Variants in PLPPR4 observed in about 807,000 individuals in gnomAD.
The protein encoded by PLPPR4 is phospholipid phosphatase related 4.
A neutral mutation model predicts 56.6 loss-of-function variants in PLPPR4; 24 were observed. The observed-to-expected ratio is 0.42, with a 90% CI of 0.31 to 0.60. The LOEUF (loss-of-function observed/expected upper bound fraction) is 0.60, where lower values mean the gene tolerates loss of function less well. Ranked by LOEUF, PLPPR4 falls within the 20% of genes least tolerant of loss-of-function variation. PLPPR4 has a pLI of 0.13. For synonymous variants in PLPPR4, 326 were observed against 328.1 expected (o/e 0.99, Z 0.07); for missense variants, 654 against 885.8 (o/e 0.74, Z 3.32).
At chr1:99,285,611 T>G (rs1659444392) in intron 1 of PLPPR4, among the ~76,000 whole-genome samples, 1 of 152,168 alleles carries the variant, frequency 6.6e-6, no homozygotes, top group South Asian at 2.1e-4. Flanking sequence ...TTACTCACTA[T>G]GTATTTCTTT....
intron 1 of PLPPR4, among the ~76,000 whole-genome samples, chr1:99,269,997 T>TGTG: frequency 1.5e-5 from 2 of 134,560 alleles, no homozygotes; most frequent in East Asian, 4.4e-4. Context: ...TTCATTCCTT[T>TGTG]TGTGTGTGTG....
intron 2 of PLPPR4, among the ~76,000 whole-genome samples, chr1:99,289,586 T>C (rs1157174818): frequency 6.6e-6 from 1 of 152,110 alleles, no homozygotes; most frequent in Non-Finnish European, 1.5e-5. Context: ...TGGAGTGCGA[T>C]ATTGCTCAGA....
intron 1 of PLPPR4, among the ~76,000 whole-genome samples, chr1:99,265,150 C>G (rs904846273): frequency 8.8e-5 from 13 of 147,868 alleles, no homozygotes; most frequent in Admixed American, 4.7e-4. Context: ...TCCTGCCCCC[C>G]CCCCCCAAAT....
chr1:99,266,318 A>G (rs1167956388), intron 1 of PLPPR4, among the ~76,000 whole-genome samples: 2 of 152,266 alleles, frequency 1.3e-5, no homozygotes, highest in African/African-American at 4.8e-5. Flanking sequence ...ACCTGAGGTC[A>G]GCTAGAAGCT....
At chr1:99,281,417 C>T (rs1332210538) in intron 1 of PLPPR4, among the ~76,000 whole-genome samples, 1 of 152,148 alleles carries the variant, frequency 6.6e-6, no homozygotes, top group Non-Finnish European at 1.5e-5. Flanking sequence ...CCAATTATTT[C>T]CCTTAATGAC....
Position 99,306,320 on chromosome 1 carries a change from G to A in PLPPR4, c.1458G>A (p.Val486=), listed in dbSNP as rs140695573. 7 of 1,614,038 alleles carry A rather than the reference G, an allele frequency of 4.3e-6. No individual in the cohort carries two copies. In the African/African-American group the frequency reaches 9.3e-5, roughly 22 times the overall value. The change falls in exon 7 of 7, where the codon GTG becomes GTA. Residue 486 remains valine, a synonymous_variant. Coordinates refer to ENST00000370185, the MANE Select transcript of PLPPR4 (RefSeq NM_014839.5). The surrounding 1 kb of genome is among the most constrained non-coding windows in gnomAD (Gnocchi z 4.0). Reference sequence around the variant, plus strand: ...CCCGTCCTGGGTCCTCACAGTTGGTGCACATCCCTGAGGAGACTCAGGAAA... The same window carrying A: ...CCCGTCCTGGGTCCTCACAGTTGGTACACATCCCTGAGGAGACTCAGGAAA... The part of the protein sequence containing the change: ...IQSRPGSSQL[V]HIPEETQENI...
At chr1:99,302,533 C>G (rs185141007) in intron 6 of PLPPR4, among the ~76,000 whole-genome samples, 4 of 142,434 alleles carry the variant, frequency 2.8e-5, no homozygotes, top group Admixed American at 7.1e-5. Context: ...TATTATTATA[C>G]TTTAAGTTTT....
rs146873902 is a variant in PLPPR4 at position 99,301,827 on chromosome 1, C to G, written c.752C>G (p.Thr251Ser). The G allele has an allele frequency of 7.4e-6, 12 of 1,612,724 alleles. No individual in the cohort carries two copies. The highest frequency in any genetic ancestry group is 1.0e-5 in the Non-Finnish European group (12 of 1,179,104). The change falls in exon 6 of 7, where the codon ACT becomes AGT. Residue 251 changes from threonine (T) to serine (S), a missense_variant. Around this residue, in one of 2 missense-constraint regions of PLPPR4, gnomAD observed 186 missense variants for 331.4 expected, o/e 0.56. Transcript: ENST00000370185. ...ATAATCTGCGGGCTAACACGGATAA[C>G]TCAGTATAAGAACCACCCAGTTGAT... ...CGIICGLTRI[T>S]QYKNHPVDVY... is the part of the protein sequence containing the mutation.
rs1165044655 is a variant in PLPPR4, at chr1:99,308,006, A to G, written c.*996A>G. ...ACTGCTGTGAATTTGCAAACAAGAA[A>G]TCTGAGCCAAAACTTGACATTGTGG... is the stretch of plus-strand genomic sequence containing the variant. On this transcript the variant is annotated 3_prime_UTR_variant, in exon 7 of 7. Coordinates refer to ENST00000370185, the MANE Select transcript of PLPPR4 (RefSeq NM_014839.5). The G allele has an allele frequency of 6.6e-6, 1 of 152,230 alleles. No individual in the cohort carries two copies. Among genetic ancestry groups the G allele is most frequent in the East Asian group, 1.9e-4 (1 of 5,206 alleles). 9.4% of individuals were successfully genotyped at this position (152,230 alleles called of 1,614,324 possible).
intron 2 of PLPPR4, among the ~76,000 whole-genome samples, chr1:99,288,907 T>C (rs1557778601): frequency 6.6e-6 from 1 of 152,060 alleles, no homozygotes; most frequent in Admixed American, 6.6e-5. Context: ...CATGTATCAA[T>C]AAAAAATCTA....
rs1660052122 is a variant in PLPPR4 at position 99,307,159 on chromosome 1, A to T, written c.*149A>T. 2 of 876,688 alleles carry T rather than the reference A, an allele frequency of 2.3e-6. No individual in the cohort carries two copies. Among genetic ancestry groups the T allele is most frequent in the Middle Eastern group, 2.4e-4 (1 of 4,174 alleles). The allele number at this position is 876,688 out of a possible 1,614,324, so 54.3% of individuals were successfully genotyped here. ...GTAACTTTTCAGAACTGCTATACTC[A>T]AACTTGCAGATCTCACATCAAGGAG... On this transcript the variant is annotated 3_prime_UTR_variant, in exon 7 of 7. Coordinates refer to ENST00000370185, the MANE Select transcript of PLPPR4 (RefSeq NM_014839.5).
intron 1 of PLPPR4, among the ~76,000 whole-genome samples, chr1:99,279,248 G>A (rs1003423715): frequency 3.3e-5 from 5 of 152,250 alleles, no homozygotes; most frequent in East Asian, 3.9e-4. Context: ...CTATGATCTA[G>A]ACATTCATCA....
At chr1:99,266,003 T>A (rs1326579279) in intron 1 of PLPPR4, among the ~76,000 whole-genome samples, 1 of 152,232 alleles carries the variant, frequency 6.6e-6, no homozygotes, top group Non-Finnish European at 1.5e-5. Flanking sequence ...TTTAAAATAA[T>A]GAATCCATTT....
intron 1 of PLPPR4, among the ~76,000 whole-genome samples, chr1:99,279,269 G>A (rs1034891674): frequency 2.6e-5 from 4 of 152,118 alleles, no homozygotes; most frequent in African/African-American, 9.7e-5. Flanking sequence ...GGATATCTCT[G>A]TATGGTCAGA....
Position 99,299,126 on chromosome 1 carries a change from G to T in PLPPR4, c.486G>T (p.Val162=). The change falls in exon 4 of 7, where the codon GTG becomes GTT. Residue 162 remains valine, a synonymous_variant. Coordinates refer to ENST00000370185, the MANE Select transcript of PLPPR4 (RefSeq NM_014839.5). ...TGYQAPYFLT[V]CKPNYTSLNV... is the part of the protein sequence containing the mutation. ...ATCAAGCACCTTACTTTCTGACTGT[G>T]TGCAAACCAAACTATACCTCTCTGA... The T allele has an allele frequency of 6.2e-7, 1 of 1,613,288 alleles. No individual in the cohort carries two copies. The highest frequency in any genetic ancestry group is 8.5e-7 in the Non-Finnish European group (1 of 1,179,510).
intron 2 of PLPPR4, 144 bp from the exon 3 acceptor site, chr1:99,296,594 C>A: frequency 1.7e-6 from 1 of 575,832 alleles, no homozygotes; most frequent in Non-Finnish European, 2.8e-6. Flanking sequence ...GAAGAAATTG[C>A]TGTGCCTCTA....
intron 3 of PLPPR4, 86 bp downstream of exon 3, chr1:99,296,953 C>A: frequency 8.1e-7 from 1 of 1,230,672 alleles, no homozygotes; most frequent in Non-Finnish European, 1.1e-6. Flanking sequence ...AAGTCTCGTA[C>A]GCTATAATTT....
chr1:99,288,230 A>G, intron 2 of PLPPR4, 80 bp downstream of exon 2: 1 of 1,269,624 alleles, frequency 7.9e-7, no homozygotes. Flanking sequence ...ATGGGTTCAA[A>G]GCAAACAAAA....
intron 2 of PLPPR4, among the ~76,000 whole-genome samples, chr1:99,292,820 T>C (rs1318328092): frequency 6.6e-6 from 1 of 152,152 alleles, no homozygotes; most frequent in Non-Finnish European, 1.5e-5. Context: ...TCCCCAAACA[T>C]ACATTTTCTC....
Sources: allele counts gnomAD v4.1 joint callset (sites outside exome capture counted in the v4.1 genomes callset), GRCh38; gene constraint gnomAD v4.1.1; regional missense constraint gnomAD v4.1.1; non-coding constraint Gnocchi (gnomAD v3.1); transcripts MANE v1.5; gene names NCBI Gene and HGNC (gene_info 2026-07-23, HGNC 2026-07-21).